TESC: variants seen among roughly 807,000 people sequenced by gnomAD.
TESC encodes the protein calcineurin B homologous protein 3.
Under a neutral mutation model 31.0 loss-of-function variants are expected in TESC, and 19 were observed. The ratio of observed to expected loss-of-function variants is 0.61; its 90% CI spans 0.43 to 0.90. The LOEUF (loss-of-function observed/expected upper bound fraction) is 0.90. Ranked by LOEUF, TESC falls within the 40% of genes least tolerant of loss-of-function variation. TESC has a pLI of 0.00. For synonymous variants in TESC, 109 were observed against 114.8 expected, an observed-to-expected ratio of 0.95 and a Z score of 0.32; for missense variants, 248 against 303.8, an observed-to-expected ratio of 0.82 and a Z score of 1.36.
In TESC at chr12:117,046,764, G is replaced by C. The variant is rs1445372634; in HGVS notation, c.411+13C>G. On this transcript the variant is annotated intron_variant, in intron 5 of 7. Coordinates refer to ENST00000335209, the MANE Select transcript of TESC (RefSeq NM_017899.4). ...ACCAGGAGCCCCGGGCGGGCCAGAG[G>C]AGCATACTTTACATTTCGATATTCT... The C allele has an allele frequency of 6.4e-7, 1 of 1,560,374 alleles. No individual in the cohort carries two copies. Among genetic ancestry groups the C allele is most frequent in the Non-Finnish European group, 8.7e-7 (1 of 1,151,572 alleles).
At chr12:117,093,788 T>TA in intron 1 of TESC, among the ~76,000 whole-genome samples, 1 of 152,220 alleles carries the variant, frequency 6.6e-6, no homozygotes, top group Non-Finnish European at 1.5e-5. Flanking sequence ...GAGATTTTTT[T>TA]TTTTTTTTTC....
At chr12:117,064,875 CCA>C in intron 2 of TESC, among the ~76,000 whole-genome samples, 1 of 152,312 alleles carries the variant, frequency 6.6e-6, no homozygotes, top group South Asian at 2.1e-4. Context: ...GCTCAGCACC[CCA>C]CAGTGCCCAG....
chr12:117,039,276 CG>C, intron 7 of TESC, 66 bp from the exon 8 acceptor site: 1 of 1,476,992 alleles, frequency 6.8e-7, no homozygotes, highest in Non-Finnish European at 9.3e-7. Context: ...CCAGGCCCCC[CG>C]GTCCTCGGCC....
chr12:117,039,052 C>G lies in TESC; in HGVS notation c.*81G>C. 1 of 1,503,508 alleles carries G rather than the reference C, an allele frequency of 6.7e-7. No individual in the cohort carries two copies. The highest frequency in any genetic ancestry group is 9.1e-7 in the Non-Finnish European group (1 of 1,099,020). The allele number at this position is 1,503,508 out of a possible 1,614,324, so 93.1% of individuals were successfully genotyped here. A position where few individuals can be genotyped will look rare whatever the true frequency, so the allele number is the denominator to read the frequency against. ...TACCGGCGCTGCAGGAAGAGGCTGT[C>G]CGCCGGGCCTGGGCTGCTCCAGCTA... On this transcript the variant is annotated 3_prime_UTR_variant, in exon 8 of 8. Coordinates refer to ENST00000335209, the MANE Select transcript of TESC (RefSeq NM_017899.4).
Position 117,059,542 on chromosome 12 carries a change from C to G in TESC, c.129-2656G>C, listed in dbSNP as rs1954773422. Among the ~76,000 whole-genome samples, 3 of 152,168 alleles carry G rather than the reference C, an allele frequency of 2.0e-5. No individual in the cohort carries two copies. In the South Asian group the frequency reaches 6.2e-4, roughly 31 times the overall value. On this transcript the variant is annotated intron_variant, in intron 2 of 7. Transcript: ENST00000335209. Reference sequence around the variant, plus strand: ...AAAAAAAATAAGATTATTTTTTGGCCATAAAAAGGAACAAGGTTTTTTGTT... The same window carrying G: ...AAAAAAAATAAGATTATTTTTTGGCGATAAAAAGGAACAAGGTTTTTTGTT...
chr12:117,075,905 A>ATGTGTG (rs1565971589), intron 1 of TESC, among the ~76,000 whole-genome samples: 9 of 76,686 alleles, frequency 1.2e-4, no homozygotes, highest in East Asian at 3.2e-4. Flanking sequence ...ATATATATAT[A>ATGTGTG]TATATATATG....
At chr12:117,044,043 C>T (rs1037688651) in intron 6 of TESC, among the ~76,000 whole-genome samples, 4 of 152,108 alleles carry the variant, frequency 2.6e-5, no homozygotes, top group Admixed American at 6.5e-5. Context: ...GCCAGGAGTT[C>T]GAGACCAGAC....
intron 3 of TESC, chr12:117,053,916 A>C (rs995181491): frequency 8.5e-5 from 13 of 152,200 alleles, no homozygotes; most frequent in African/African-American, 3.1e-4. Flanking sequence ...CTGGCCTAAG[A>C]CGCACTGCCC....
At chr12:117,074,406 C>T (rs959196780) in intron 2 of TESC, among the ~76,000 whole-genome samples, 6 of 152,048 alleles carry the variant, frequency 3.9e-5, no homozygotes, top group Admixed American at 2.6e-4. Flanking sequence ...ATAATTCAAC[C>T]GGAATACAGT....
At chr12:117,095,029 AAAG>A (rs1593030456) in intron 1 of TESC, among the ~76,000 whole-genome samples, 1 of 151,458 alleles carries the variant, frequency 6.6e-6, no homozygotes, top group East Asian at 1.9e-4. Flanking sequence ...AAAAAAAAAA[AAAG>A]AGAGAGAGAC....
intron 2 of TESC, among the ~76,000 whole-genome samples, chr12:117,059,100 G>A (rs1034118081): frequency 2.0e-5 from 3 of 152,236 alleles, no homozygotes; most frequent in Non-Finnish European, 2.9e-5. Flanking sequence ...GAGGACGTCC[G>A]GGTGGGAAGT....
chr12:117,088,725 TAGATC>T (rs1429277758), intron 1 of TESC, among the ~76,000 whole-genome samples: 1 of 151,606 alleles, frequency 6.6e-6, no homozygotes, highest in Non-Finnish European at 1.5e-5. Context: ...GTAGGACACT[TAGATC>T]AGGAATTTCA....
In TESC at chr12:117,039,030, C is replaced by G. The variant is rs1284357029; in HGVS notation, c.*103G>C. 1.5e-6 allele frequency: 2 copies of G among 1,303,976 alleles called. No homozygotes were observed. The highest frequency in any genetic ancestry group is 1.1e-6 in the Non-Finnish European group (1 of 923,828). 80.8% of individuals were successfully genotyped at this position (1,303,976 alleles called of 1,614,324 possible). ...GCGCAGACGAGCCTTGGCTATGTACCGGCGCTGCAGGAAGAGGCTGTCCGC... is the reference window on the plus strand; with the variant it reads ...GCGCAGACGAGCCTTGGCTATGTACGGGCGCTGCAGGAAGAGGCTGTCCGC... On this transcript the variant is annotated 3_prime_UTR_variant, in exon 8 of 8. Coordinates refer to ENST00000335209, the MANE Select transcript of TESC (RefSeq NM_017899.4).
intron 2 of TESC, 145 bp from the exon 3 acceptor site, chr12:117,057,031 A>G (rs1194033567): frequency 1.1e-4 from 82 of 750,420 alleles, no homozygotes; most frequent in Non-Finnish European, 2.3e-5. Context: ...ACAGAACTGG[A>G]ATACGCTTCA....
chr12:117,044,410 C>T (rs987757370), intron 6 of TESC, among the ~76,000 whole-genome samples: 3 of 152,168 alleles, frequency 2.0e-5, no homozygotes, highest in Non-Finnish European at 4.4e-5. Flanking sequence ...TGCCGGGCCT[C>T]CCTAGGTTCC....
intron 6 of TESC, among the ~76,000 whole-genome samples, chr12:117,042,995 G>A (rs554006078): frequency 2.6e-5 from 4 of 152,194 alleles, no homozygotes; most frequent in Non-Finnish European, 5.9e-5. Flanking sequence ...TTAAGAAGGG[G>A]TTGATCTGTA....
At chr12:117,074,780 T>C (rs965828101) in intron 2 of TESC, among the ~76,000 whole-genome samples, 1 of 152,202 alleles carries the variant, frequency 6.6e-6, no homozygotes, top group Non-Finnish European at 1.5e-5. Flanking sequence ...TTATAATTTA[T>C]AATTGTGTGA....
At chr12:117,079,636 G>A (rs1955119688) in intron 1 of TESC, among the ~76,000 whole-genome samples, 1 of 151,832 alleles carries the variant, frequency 6.6e-6, no homozygotes, top group Non-Finnish European at 1.5e-5. Flanking sequence ...CACACTGGAT[G>A]ATTCCATTTG....
chr12:117,045,036 G>A (rs367881688), intron 6 of TESC, among the ~76,000 whole-genome samples: 1 of 152,242 alleles, frequency 6.6e-6, no homozygotes, highest in East Asian at 1.9e-4. Flanking sequence ...CTCAGAGGCT[G>A]GGAGGGATTG....
Sources: allele counts gnomAD v4.1 joint callset (sites outside exome capture counted in the v4.1 genomes callset), GRCh38; gene constraint gnomAD v4.1.1; transcripts MANE v1.5; gene names NCBI Gene and HGNC (gene_info 2026-07-23, HGNC 2026-07-21).